CDH19: variants seen among roughly 807,000 people sequenced by gnomAD.
CDH19 encodes the protein cadherin 19.
CDH19 carries 67 observed loss-of-function variants against 64.2 expected under a neutral mutation model. That is an observed-to-expected ratio of 1.04 (90% CI 0.86 to 1.28). The LOEUF is 1.28. Among genes scored for constraint, CDH19 ranks in the 50% most tolerant of loss-of-function variants. The pLI is 0.00. For missense variants in CDH19, 1,030 were observed against 929.0 expected, an observed-to-expected ratio of 1.11 and a Z score of -1.41; for synonymous variants, 346 against 319.3, an observed-to-expected ratio of 1.08 and a Z score of -0.89.
At chr18:66,517,847 TA>T (rs35442819) in intron 9 of CDH19, among the ~76,000 whole-genome samples, 43,643 of 151,862 alleles carry the variant, frequency 0.29, 7,373 homozygotes, top group Non-Finnish European at 0.38. Context: ...TAAACATTAC[TA>T]AAATTAACAT....
At chr18:66,598,099 T>C (rs545998313) in intron 1 of CDH19, among the ~76,000 whole-genome samples, 9 of 152,222 alleles carry the variant, frequency 5.9e-5, no homozygotes, top group African/African-American at 9.6e-5. Context: ...GTCACAATGA[T>C]ATACCATCTC....
In CDH19 at chr18:66,595,745, G is replaced by GCCAAATTAT. The variant is rs1439858120; in HGVS notation, c.-113+8208_-113+8209insATAATTTGG. 3.3e-5 allele frequency among the ~76,000 whole-genome samples: 5 copies of GCCAAATTAT among 152,176 alleles called. No homozygotes were observed. The East Asian group carries it at 9.7e-4, about 29-fold the overall frequency. On this transcript the variant is annotated intron_variant, in intron 1 of 11. Coordinates refer to ENST00000262150, the MANE Select transcript of CDH19 (RefSeq NM_021153.4). ...AAATTATACCAGATACTATAAAGAA[G>GCCAAATTAT]ACGGGGTATCAATTTTACTGAAACT...
At position 66,551,144 on chromosome 18, in the gene CDH19, A is replaced by G. The variant is rs761666898; in HGVS notation, c.725T>C (p.Val242Ala). ...QPGALSGTTSVLIKLSDVNDN... is the reference protein window; with the variant it reads ...QPGALSGTTSALIKLSDVNDN... ...ATTAACATCTGAAAGTTTAATTAATACACTTGTTGTTCCAGACAACGCTCC... is the reference window on the plus strand; with the variant it reads ...ATTAACATCTGAAAGTTTAATTAATGCACTTGTTGTTCCAGACAACGCTCC... Residue 242 changes from valine to alanine, a missense_variant, in exon 5 of 12, where the codon GTA (valine) becomes GCA (alanine). By Grantham distance (64) the Val-to-Ala change is moderately conservative. Transcript: ENST00000262150. The G allele has an allele frequency of 6.2e-7, 1 of 1,608,234 alleles. No individual in the cohort carries two copies. Among genetic ancestry groups the G allele is most frequent in the Non-Finnish European group, 8.5e-7 (1 of 1,175,212 alleles).
rs201603784 is a variant in CDH19, at chr18:66,588,612, ATC to A, written c.-113+15340_-113+15341del. Among the ~76,000 whole-genome samples the A allele has an allele frequency of 8.5e-3, 1,144 of 134,476 alleles. 184 individuals carry two copies. The highest frequency in any genetic ancestry group is 0.025 in the East Asian group (119 of 4,708). The allele number at this position is 134,476 out of a possible 152,430, so 88.2% of individuals were successfully genotyped here. ...TTACTCATTTTTACTAATCATATATATCTATATCTATATCTATATATATATAG... is the reference window on the plus strand; with the variant it reads ...TTACTCATTTTTACTAATCATATATATATATCTATATCTATATATATATAG... On this transcript the variant is annotated intron_variant, in intron 1 of 11. Transcript: ENST00000262150.
rs577051107 is a variant in CDH19 at position 66,510,142 on chromosome 18, A to C, written c.1577-896T>G. On this transcript the variant is annotated intron_variant, in intron 10 of 11. Coordinates refer to ENST00000262150, the MANE Select transcript of CDH19 (RefSeq NM_021153.4). Reference sequence around the variant, plus strand: ...TTTTCTATAGTCACCAAATTTTAGAAGACAATAGCAGTAAAAGGAAAATAA... The same window carrying C: ...TTTTCTATAGTCACCAAATTTTAGACGACAATAGCAGTAAAAGGAAAATAA... 3.9e-4 allele frequency among the ~76,000 whole-genome samples: 60 copies of C among 151,926 alleles called. 1 individual carries two copies. The highest frequency in any genetic ancestry group is 1.4e-3 in the African/African-American group (60 of 41,530).
At chr18:66,536,379 T>G (rs997515880) in intron 7 of CDH19, among the ~76,000 whole-genome samples, 1 of 151,812 alleles carries the variant, frequency 6.6e-6, no homozygotes, top group African/African-American at 2.4e-5. Flanking sequence ...CCATTTAAAA[T>G]ATTTATAAGT....
chr18:66,570,463 C>G (rs1027716773), intron 2 of CDH19, among the ~76,000 whole-genome samples: 1 of 151,688 alleles, frequency 6.6e-6, no homozygotes, highest in Non-Finnish European at 1.5e-5. Flanking sequence ...TAGGCTGCTA[C>G]TATCAATTTG....
At chr18:66,583,400 T>C (rs1293226871) in intron 1 of CDH19, among the ~76,000 whole-genome samples, 3 of 152,190 alleles carry the variant, frequency 2.0e-5, no homozygotes, top group Admixed American at 1.3e-4. Context: ...GGAAAACTCA[T>C]GTCACAGGAG....
rs1987442914 is a variant in CDH19 at position 66,554,401 on chromosome 18, A to G, written c.610+4T>C. On this transcript the variant is annotated splice_donor_region_variant and intron_variant, in intron 4 of 11. Coordinates refer to ENST00000262150, the MANE Select transcript of CDH19 (RefSeq NM_021153.4). ...TAAACTTTGCTTGTTTCATTCACAA[A>G]TACCTGTTGTTGGTTCAACAGAAAA... The G allele has an allele frequency of 6.2e-7, 1 of 1,610,610 alleles. No individual in the cohort carries two copies. The highest frequency in any genetic ancestry group is 1.3e-5 in the African/African-American group (1 of 74,720).
At chr18:66,562,424 C>T (rs917236316) in intron 3 of CDH19, among the ~76,000 whole-genome samples, 6 of 151,898 alleles carry the variant, frequency 4.0e-5, no homozygotes, top group South Asian at 2.1e-4. Context: ...AATCTAATCC[C>T]GCCACTGATC....
intron 10 of CDH19, among the ~76,000 whole-genome samples, chr18:66,510,528 A>C (rs1278145894): frequency 1.4e-5 from 2 of 147,160 alleles, no homozygotes; most frequent in Non-Finnish European, 1.5e-5. Context: ...ATAATTTTTA[A>C]CTTAGAGTAT....
rs562276434 is a variant in CDH19, at chr18:66,503,659, A to G, written c.*1153T>C. 6.6e-6 allele frequency: 1 copy of G among 152,000 alleles called. No homozygotes were observed. The highest frequency in any genetic ancestry group is 2.1e-4 in the South Asian group (1 of 4,824). The allele number at this position is 152,000 out of a possible 1,614,324, so 9.4% of individuals were successfully genotyped here. On this transcript the variant is annotated 3_prime_UTR_variant, in exon 12 of 12. Coordinates refer to ENST00000262150, the MANE Select transcript of CDH19 (RefSeq NM_021153.4). ...GACATAAGAATGTGTTTTGAGTTGCATATGAAAAAAAATCTATGACAAACA... is the reference window on the plus strand; with the variant it reads ...GACATAAGAATGTGTTTTGAGTTGCGTATGAAAAAAAATCTATGACAAACA...
chr18:66,513,130 C>T lies in CDH19; in HGVS notation c.1459-1445G>A, dbSNP rs572365007. 7.5e-4 allele frequency among the ~76,000 whole-genome samples: 113 copies of T among 151,508 alleles called. 4 individuals are homozygous for T. The South Asian group carries it at 0.022, about 30-fold the overall frequency. ...ATAGAATTCATGTTTATCTTGCTGGCATATGTGGCTACAGTGTTCAGATAA... is the reference window on the plus strand; with the variant it reads ...ATAGAATTCATGTTTATCTTGCTGGTATATGTGGCTACAGTGTTCAGATAA... On this transcript the variant is annotated intron_variant, in intron 9 of 11. Coordinates refer to ENST00000262150, the MANE Select transcript of CDH19 (RefSeq NM_021153.4).
chr18:66,564,957 G>C (rs1161585552), intron 3 of CDH19, among the ~76,000 whole-genome samples: 1 of 151,118 alleles, frequency 6.6e-6, no homozygotes, highest in East Asian at 1.9e-4. Flanking sequence ...TGGCTATTCA[G>C]ATACAATTTC....
rs1313252676 is a variant in CDH19, at chr18:66,544,887, A to C, written c.792T>G (p.Thr264=). ...TCCCAGTGGGTGCAGATTCAGAGAC[A>C]GTCAAGCGGTATAAACCTTTAAAAA... ...PIFKESLYRL[T]VSESAPTGTS... is the part of the protein sequence containing the mutation. Residue 264 remains threonine (T), a synonymous_variant, in exon 6 of 12, where the codon ACT becomes ACG. Coordinates refer to ENST00000262150, the MANE Select transcript of CDH19 (RefSeq NM_021153.4). The C allele has an allele frequency of 6.2e-7, 1 of 1,607,540 alleles. No homozygotes were observed. The highest frequency in any genetic ancestry group is 8.5e-7 in the Non-Finnish European group (1 of 1,177,482).
chr18:66,540,213 T>C (rs1986835711), intron 7 of CDH19, among the ~76,000 whole-genome samples: 1 of 152,196 alleles, frequency 6.6e-6, no homozygotes, highest in Non-Finnish European at 1.5e-5. Context: ...TGATCTAATC[T>C]TTTTATTTCC....
At chr18:66,585,051 TG>T (rs1988536223) in intron 1 of CDH19, among the ~76,000 whole-genome samples, 1 of 152,038 alleles carries the variant, frequency 6.6e-6, no homozygotes, top group Admixed American at 6.6e-5. Context: ...GTCTCACAGT[TG>T]AACAAACGAC....
chr18:66,559,207 A>T (rs1457105581), intron 3 of CDH19, among the ~76,000 whole-genome samples: 1 of 151,996 alleles, frequency 6.6e-6, no homozygotes, highest in Non-Finnish European at 1.5e-5. Context: ...ATATATTTCA[A>T]TTTTTTTATA....
chr18:66,505,406 T>A, intron 11 of CDH19, 104 bp from the exon 12 acceptor site: 1 of 879,838 alleles, frequency 1.1e-6, no homozygotes, highest in Non-Finnish European at 1.6e-6. Flanking sequence ...TTAAACTTTA[T>A]GATTATAAAA....
Sources: gnomAD v4.1 joint callset for allele counts (sites outside exome capture counted in the v4.1 genomes callset) on GRCh38, gnomAD v4.1.1 for gene constraint, MANE v1.5 for transcripts, NCBI Gene and HGNC (gene_info 2026-07-23, HGNC 2026-07-21) for gene names.